The following RBPMS variants were observed in gnomAD, a reference collection of about 807,000 sequenced individuals.
RBPMS encodes RNA-binding protein with multiple splicing.
Under a neutral mutation model 26.8 loss-of-function variants are expected in RBPMS, and 7 were observed. The ratio of observed to expected loss-of-function variants is 0.26; its 90% CI spans 0.15 to 0.49. The LOEUF (loss-of-function observed/expected upper bound fraction) is 0.49, where lower values mean the gene tolerates loss of function less well. RBPMS is among the 20% of genes least tolerant of loss of function. The pLI, the probability that RBPMS is intolerant of heterozygous loss-of-function variation, is 0.98. For synonymous variants in RBPMS, 96 were observed against 93.3 expected (o/e 1.03, Z -0.17); for missense variants, 186 against 250.0 (o/e 0.74, Z 1.73).
intron 1 of RBPMS, among the ~76,000 whole-genome samples, chr8:30,446,007 A>T (rs373773853): frequency 6.6e-6 from 1 of 152,180 alleles, no homozygotes; most frequent in Non-Finnish European, 1.5e-5. Context: ...GAAAGAGACA[A>T]TGAAATCAGT....
intron 7 of RBPMS, chr8:30,565,582 T>A (rs1041771899): frequency 2.0e-5 from 3 of 152,222 alleles, no homozygotes; most frequent in African/African-American, 7.2e-5. Flanking sequence ...GGGGGAGTAT[T>A]AGAAACTGAT....
chr8:30,508,856 A>G (rs1821311441), intron 5 of RBPMS, among the ~76,000 whole-genome samples: 1 of 152,172 alleles, frequency 6.6e-6, no homozygotes, highest in Non-Finnish European at 1.5e-5. Context: ...TGATGAGTTT[A>G]TACTCTTTGC....
At chr8:30,420,238 AAAG>A (rs1363379772) in intron 1 of RBPMS, among the ~76,000 whole-genome samples, 2 of 152,178 alleles carry the variant, frequency 1.3e-5, no homozygotes, top group South Asian at 2.1e-4. Flanking sequence ...AAAAAAAAAA[AAAG>A]AAAGAAAATA....
At chr8:30,521,332 TGGC>T (rs1822997916) in intron 5 of RBPMS, among the ~76,000 whole-genome samples, 1 of 152,208 alleles carries the variant, frequency 6.6e-6, no homozygotes, top group African/African-American at 2.4e-5. Flanking sequence ...GAATATTTAG[TGGC>T]TTTCTAGGAC....
intron 8 of RBPMS, among the ~76,000 whole-genome samples, chr8:30,568,041 C>G (rs567041420): frequency 6.6e-6 from 1 of 152,166 alleles, no homozygotes; most frequent in Non-Finnish European, 1.5e-5. Flanking sequence ...TTCCAAACTG[C>G]AGAAGACCAT....
intron 1 of RBPMS, among the ~76,000 whole-genome samples, chr8:30,431,351 T>C (rs1438927530): frequency 2.8e-5 from 2 of 70,448 alleles, no homozygotes; most frequent in African/African-American, 1.2e-4. Context: ...TTCTTTTTTT[T>C]TCTTTCTCTT....
chr8:30,492,844 T>C (rs1819538618), intron 4 of RBPMS, among the ~76,000 whole-genome samples: 1 of 152,226 alleles, frequency 6.6e-6, no homozygotes, highest in Non-Finnish European at 1.5e-5. Flanking sequence ...TTGTTTTCTT[T>C]TTTTCTTACT....
chr8:30,520,072 G>A (rs1563404704), intron 5 of RBPMS, among the ~76,000 whole-genome samples: 1 of 152,178 alleles, frequency 6.6e-6, no homozygotes, highest in Non-Finnish European at 1.5e-5. Flanking sequence ...CATGCTTGGT[G>A]TAAACTAAGA....
intron 5 of RBPMS, among the ~76,000 whole-genome samples, chr8:30,540,575 A>G (rs1220487569): frequency 6.6e-6 from 1 of 152,044 alleles, no homozygotes; most frequent in East Asian, 1.9e-4. Flanking sequence ...AAAGGCATGC[A>G]CCGCCAGGCC....
In RBPMS at chr8:30,526,118, C is replaced by T. The variant is rs117381998; in HGVS notation, c.398-18376C>T. 5.0e-3 allele frequency among the ~76,000 whole-genome samples: 769 copies of T among 152,316 alleles called. 2 individuals are homozygous for T. The highest frequency in any genetic ancestry group is 7.2e-3 in the Non-Finnish European group (489 of 68,024). ...GAGTCCAACTCTTTAGCACGGTGTG[C>T]AGGCCCTTCATGATCTGCGCCCCAA... On this transcript the variant is annotated intron_variant, in intron 5 of 8. Transcript: ENST00000397323.
rs577244764 is a variant in RBPMS at position 30,514,680 on chromosome 8, C to CTTTTTTTTTTTT, written c.397+10256_397+10267dup. On this transcript the variant is annotated intron_variant, in intron 5 of 8. Coordinates refer to ENST00000397323, the MANE Select transcript of RBPMS (RefSeq NM_001008710.3). ...TACGGGTGCGAGCCACCATGCCGGGCTTTTTTTTTTTTTTTTTTTTTTTAA... is the reference window on the plus strand; with the variant it reads ...TACGGGTGCGAGCCACCATGCCGGGCTTTTTTTTTTTTTTTTTTTTTTTTTTTTTTTTTTTAA... Among the ~76,000 whole-genome samples, 325 of 82,614 alleles carry CTTTTTTTTTTTT rather than the reference C, an allele frequency of 3.9e-3. 48 individuals are homozygous for CTTTTTTTTTTTT. The highest frequency in any genetic ancestry group is 9.5e-3 in the South Asian group (18 of 1,894). 54.2% of individuals were successfully genotyped at this position (82,614 alleles called of 152,430 possible).
chr8:30,420,786 G>A (rs1365636695), intron 1 of RBPMS, among the ~76,000 whole-genome samples: 3 of 152,154 alleles, frequency 2.0e-5, no homozygotes, highest in Admixed American at 6.5e-5. Flanking sequence ...TCAAGCCTTC[G>A]TGTTTCATGT....
At chr8:30,530,007 G>A (rs536576588) in intron 5 of RBPMS, among the ~76,000 whole-genome samples, 3 of 152,146 alleles carry the variant, frequency 2.0e-5, no homozygotes, top group African/African-American at 7.2e-5. Flanking sequence ...CGCCCACCTC[G>A]GCCTCCCAAA....
chr8:30,468,041 T>C (rs1816696998), intron 1 of RBPMS, among the ~76,000 whole-genome samples: 1 of 152,136 alleles, frequency 6.6e-6, no homozygotes, highest in African/African-American at 2.4e-5. Context: ...AGAATTAAAG[T>C]GGGAATATGG....
chr8:30,531,887 A>G (rs1169009983), intron 5 of RBPMS, among the ~76,000 whole-genome samples: 47 of 152,220 alleles, frequency 3.1e-4, no homozygotes, highest in Admixed American at 3.1e-3. Context: ...GTAAATTGGC[A>G]GGTTCATTGC....
chr8:30,414,911 C>T (rs1370234761), intron 1 of RBPMS, among the ~76,000 whole-genome samples: 1 of 152,056 alleles, frequency 6.6e-6, no homozygotes, highest in Non-Finnish European at 1.5e-5. Flanking sequence ...CTACATTCTC[C>T]TTTTCCCCTT....
At chr8:30,455,747 A>G (rs932132826) in intron 1 of RBPMS, among the ~76,000 whole-genome samples, 16 of 152,018 alleles carry the variant, frequency 1.1e-4, no homozygotes, top group Admixed American at 3.9e-4. Flanking sequence ...AAAATTAGCC[A>G]GGCGTGGTGG....
At chr8:30,452,660 C>T (rs1447491244) in intron 1 of RBPMS, among the ~76,000 whole-genome samples, 1 of 152,098 alleles carries the variant, frequency 6.6e-6, no homozygotes, top group Non-Finnish European at 1.5e-5. Context: ...GGGAAGAGTG[C>T]CAAATGGTCC....
chr8:30,562,363 G>A (rs796509403), intron 7 of RBPMS, among the ~76,000 whole-genome samples: 13 of 149,816 alleles, frequency 8.7e-5, no homozygotes, highest in African/African-American at 2.9e-4. Flanking sequence ...AATGTCTCCC[G>A]TGGATGAATC....
Sources: gnomAD v4.1 joint callset for allele counts (sites outside exome capture counted in the v4.1 genomes callset) on GRCh38, gnomAD v4.1.1 for gene constraint, MANE v1.5 for transcripts, NCBI Gene and HGNC (gene_info 2026-07-23, HGNC 2026-07-21) for gene names.